Variants in CDH22 observed in about 807,000 individuals in gnomAD.
CDH22 encodes the protein cadherin 22, also known as cadherin-22.
A neutral mutation model predicts 58.4 loss-of-function variants in CDH22; 30 were observed. That is an observed-to-expected ratio of 0.51 (90% CI 0.38 to 0.70). The LOEUF is 0.70. Ranked by LOEUF, CDH22 falls within the 30% of genes least tolerant of loss-of-function variation. The probability of loss-of-function intolerance (pLI) is 0.00; values close to 1 mark genes in which losing one functional copy is unlikely to be tolerated. For missense variants in CDH22, 1,014 were observed against 1,233.9 expected, an observed-to-expected ratio of 0.82 and a Z score of 2.67; for synonymous variants, 513 against 558.2, an observed-to-expected ratio of 0.92 and a Z score of 1.14.
At chr20:46,213,653 A>G (rs912018565) in intron 5 of CDH22, among the ~76,000 whole-genome samples, 1 of 152,222 alleles carries the variant, frequency 6.6e-6, no homozygotes, top group Non-Finnish European at 1.5e-5. Context: ...TGCTTAGTAC[A>G]GTGCCTGGCA....
intron 4 of CDH22, among the ~76,000 whole-genome samples, chr20:46,223,691 T>TTCTTTC (rs1568664135): frequency 1.3e-5 from 1 of 78,652 alleles, no homozygotes; most frequent in African/African-American, 4.5e-5. Context: ...CTTTCTTTCT[T>TTCTTTC]TCTTTCTTTC....
chr20:46,249,097 CTGAG>C (rs1406213394), intron 2 of CDH22, among the ~76,000 whole-genome samples: 1 of 152,216 alleles, frequency 6.6e-6, no homozygotes, highest in African/African-American at 2.4e-5. Flanking sequence ...AGCTGGCTCT[CTGAG>C]CCCCTGTTTT....
intron 1 of CDH22, among the ~76,000 whole-genome samples, chr20:46,281,401 G>A (rs142408769): frequency 2.0e-5 from 3 of 152,306 alleles, no homozygotes; most frequent in African/African-American, 7.2e-5. Context: ...GATTTTCTTG[G>A]AGATTGAAAG....
intron 1 of CDH22, among the ~76,000 whole-genome samples, chr20:46,295,488 T>A (rs1434385062): frequency 1.3e-5 from 2 of 152,232 alleles, no homozygotes; most frequent in Non-Finnish European, 2.9e-5. Flanking sequence ...TTAGCTTGTT[T>A]CATTCTCACC....
intron 1 of CDH22, among the ~76,000 whole-genome samples, chr20:46,267,624 TCA>T (rs1210694727): frequency 6.6e-6 from 1 of 152,216 alleles, no homozygotes; most frequent in African/African-American, 2.4e-5. Flanking sequence ...TCTCCCAACC[TCA>T]GTCTTTCCAT....
chr20:46,231,669 G>A (rs1363271151), intron 3 of CDH22, among the ~76,000 whole-genome samples: 1 of 152,198 alleles, frequency 6.6e-6, no homozygotes, highest in Non-Finnish European at 1.5e-5. Flanking sequence ...GAAGCAGGTA[G>A]GATAATGTTG....
intron 3 of CDH22, among the ~76,000 whole-genome samples, chr20:46,237,639 C>G (rs540882685): frequency 6.6e-6 from 1 of 152,104 alleles, no homozygotes; most frequent in Non-Finnish European, 1.5e-5. Flanking sequence ...CAAATTGAGT[C>G]CCCCCCACTC....
intron 1 of CDH22, among the ~76,000 whole-genome samples, chr20:46,276,643 G>A (rs2086518639): frequency 6.6e-6 from 1 of 152,208 alleles, no homozygotes; most frequent in Non-Finnish European, 1.5e-5. Context: ...TTACAGATGA[G>A]GCTCCACAAA....
Position 46,251,102 on chromosome 20 carries a change from C to T in CDH22, c.193G>A (p.Val65Met), listed in dbSNP as rs2086368616. ...TCTACCACGAAGAACTGGTTCCACACCCAGCCGCGTTTGACGCGGCCGGCT... is the reference window on the plus strand; with the variant it reads ...TCTACCACGAAGAACTGGTTCCACATCCAGCCGCGTTTGACGCGGCCGGCT... ...LGAGRVKRGW[V>M]WNQFFVVEEY... The change falls in exon 2 of 12, where the codon GTG becomes ATG. Residue 65 changes from valine (V) to methionine (M), a missense_variant. Transcript: ENST00000537909. This position sits in a 1 kb window ranked among gnomAD's most constrained non-coding sequence, Gnocchi z 6.7. The T allele has an allele frequency of 1.9e-6, 3 of 1,609,404 alleles. No individual in the cohort carries two copies. Among genetic ancestry groups the T allele is most frequent in the Middle Eastern group, 1.7e-4 (1 of 6,026 alleles).
At chr20:46,223,917 G>A (rs180687028) in intron 4 of CDH22, among the ~76,000 whole-genome samples, 190 of 150,832 alleles carry the variant, frequency 1.3e-3, no homozygotes, top group Middle Eastern at 6.8e-3. Flanking sequence ...GCAGTGGTGC[G>A]ATCTTGGCTC....
chr20:46,186,783 C>G, intron 9 of CDH22, 43 bp downstream of exon 9: 1 of 1,596,934 alleles, frequency 6.3e-7, no homozygotes, highest in Non-Finnish European at 8.5e-7. Flanking sequence ...TGCTGCTGGC[C>G]AGTCCTGGAA....
Position 46,210,306 on chromosome 20 carries a change from C to A in CDH22, c.1286+1G>T. On this transcript the variant is annotated splice_donor_variant, in intron 7 of 11. Coordinates refer to ENST00000537909, the MANE Select transcript of CDH22 (RefSeq NM_021248.3). LOFTEE classifies it high-confidence loss of function. This position sits in a 1 kb window ranked among gnomAD's most constrained non-coding sequence, Gnocchi z 4.5. ...GCGTCGGCCCCGGGCGGGGGTCTCACCGGACGGGCCGGTTGGCGGCGTCGG... is the reference window on the plus strand; with the variant it reads ...GCGTCGGCCCCGGGCGGGGGTCTCAACGGACGGGCCGGTTGGCGGCGTCGG... 1.4e-6 allele frequency: 2 copies of A among 1,428,734 alleles called. No individual in the cohort carries two copies. Among genetic ancestry groups the A allele is most frequent in the Non-Finnish European group, 1.8e-6 (2 of 1,097,566 alleles). 88.5% of individuals were successfully genotyped at this position (1,428,734 alleles called of 1,614,324 possible).
At chr20:46,250,563 C>T (rs1279014269) in intron 2 of CDH22, among the ~76,000 whole-genome samples, 2 of 152,088 alleles carry the variant, frequency 1.3e-5, no homozygotes, top group Non-Finnish European at 2.9e-5. Flanking sequence ...GTGCATGGGA[C>T]GTTGACTTTC....
chr20:46,306,115 T>C (rs1272420562), intron 1 of CDH22, among the ~76,000 whole-genome samples: 2 of 152,238 alleles, frequency 1.3e-5, no homozygotes. Flanking sequence ...CCTCCGGCAC[T>C]GGCCTGGGAG....
chr20:46,280,223 C>A (rs2086543827), intron 1 of CDH22, among the ~76,000 whole-genome samples: 1 of 152,164 alleles, frequency 6.6e-6, no homozygotes, highest in Non-Finnish European at 1.5e-5. Flanking sequence ...TGTTTGAGAC[C>A]AGCCTGATCA....
intron 1 of CDH22, among the ~76,000 whole-genome samples, chr20:46,294,743 G>C (rs2086621058): frequency 6.6e-6 from 1 of 152,136 alleles, no homozygotes; most frequent in Admixed American, 6.5e-5. Flanking sequence ...GAAAGAAAGG[G>C]GCAAGGAAAA....
chr20:46,217,067 G>A (rs147402779), intron 4 of CDH22, 74 bp from the exon 5 acceptor site: 17 of 1,447,072 alleles, frequency 1.2e-5, no homozygotes, highest in Middle Eastern at 2.2e-4. Flanking sequence ...CTGTACAGGC[G>A]GGATTCAGAC....
chr20:46,279,228 A>T (rs1166990030), intron 1 of CDH22, among the ~76,000 whole-genome samples: 1 of 152,210 alleles, frequency 6.6e-6, no homozygotes, highest in Non-Finnish European at 1.5e-5. Context: ...TATCATAATT[A>T]ATAAGCCCCA....
chr20:46,204,842 G>A (rs548031740), intron 7 of CDH22, among the ~76,000 whole-genome samples: 6 of 152,316 alleles, frequency 3.9e-5, no homozygotes, highest in African/African-American at 1.4e-4. Flanking sequence ...TGGGGTGCAC[G>A]TGTGGTTTTC....
Sources: gnomAD v4.1 joint callset for allele counts (sites outside exome capture counted in the v4.1 genomes callset) on GRCh38, gnomAD v4.1.1 for gene constraint, Gnocchi (gnomAD v3.1) non-coding constraint, MANE v1.5 for transcripts, NCBI Gene and HGNC (gene_info 2026-07-23, HGNC 2026-07-21) for gene names.